KIAA1217: variants seen among roughly 807,000 people sequenced by gnomAD.
KIAA1217 encodes sickle tail protein homolog.
KIAA1217 carries 88 observed loss-of-function variants against 163.9 expected under a neutral mutation model. The observed-to-expected ratio is 0.54, with a 90% confidence interval of 0.45 to 0.64. KIAA1217 has a LOEUF of 0.64. Ranked by LOEUF, KIAA1217 falls within the 30% of genes least tolerant of loss-of-function variation. KIAA1217 has a pLI of 0.00. For synonymous variants in KIAA1217, 903 were observed against 923.1 expected (o/e 0.98, Z 0.39); for missense variants, 2,372 against 2,475.0 (o/e 0.96, Z 0.88).
intron 1 of KIAA1217, among the ~76,000 whole-genome samples, chr10:23,712,465 C>G (rs1272195159): frequency 1.3e-5 from 2 of 151,896 alleles, no homozygotes; most frequent in Admixed American, 1.3e-4. Flanking sequence ...GCAGTGCAGT[C>G]AACTCAGTAC....
At chr10:23,817,752 G>GT (rs1283114361) in intron 1 of KIAA1217, among the ~76,000 whole-genome samples, 1 of 151,606 alleles carries the variant, frequency 6.6e-6, no homozygotes, top group African/African-American at 2.4e-5. Flanking sequence ...ATTTTGAGGT[G>GT]TTTGACAGAA....
At chr10:24,300,826 T>C (rs1045761255) in intron 2 of KIAA1217, among the ~76,000 whole-genome samples, 1 of 152,090 alleles carries the variant, frequency 6.6e-6, no homozygotes, top group Non-Finnish European at 1.5e-5. Flanking sequence ...TTTGTTTGTT[T>C]ATTGAGACAA....
chr10:23,844,697 CTT>C (rs934166949), intron 1 of KIAA1217, among the ~76,000 whole-genome samples: 1 of 151,244 alleles, frequency 6.6e-6, no homozygotes, highest in Non-Finnish European at 1.5e-5. Flanking sequence ...TCTAGGTCCT[CTT>C]TTCTTTTCTT....
rs1403295209 is a variant in KIAA1217 at position 24,495,322 on chromosome 10, T to C, written c.1834+126T>C. ...GGTATGATGTCAGGGGATTCCTAGA[T>C]ATTCCTGCCAATACTGAAATTCCAG... is the stretch of plus-strand genomic sequence containing the variant. On this transcript the variant is annotated intron_variant, in intron 8 of 20. Coordinates refer to ENST00000376454, the MANE Select transcript of KIAA1217 (RefSeq NM_019590.5). The C allele has an allele frequency of 7.3e-6, 5 of 684,970 alleles. No homozygotes were observed. The East Asian group carries it at 1.4e-4, about 20-fold the overall frequency. The allele number at this position is 684,970 out of a possible 1,614,324, so 42.4% of individuals were successfully genotyped here.
intron 12 of KIAA1217, 40 bp downstream of exon 12, chr10:24,521,969 G>A: frequency 6.3e-7 from 1 of 1,583,890 alleles, no homozygotes; most frequent in Non-Finnish European, 8.6e-7. Flanking sequence ...GCCTGCGGAG[G>A]GGTGCACTGG....
intron 9 of KIAA1217, among the ~76,000 whole-genome samples, chr10:24,512,754 C>T (rs2069390365): frequency 6.6e-6 from 1 of 152,192 alleles, no homozygotes; most frequent in African/African-American, 2.4e-5. Context: ...CAAATCACCA[C>T]GTGTTGAGTT....
chr10:23,796,381 TG>T (rs1836205495), intron 1 of KIAA1217, among the ~76,000 whole-genome samples: 1 of 152,126 alleles, frequency 6.6e-6, no homozygotes, highest in Non-Finnish European at 1.5e-5. Context: ...ATTTTTTAAT[TG>T]AGACGAAGTC....
At chr10:24,299,011 G>T (rs1008051290) in intron 2 of KIAA1217, among the ~76,000 whole-genome samples, 6 of 151,982 alleles carry the variant, frequency 3.9e-5, no homozygotes, top group Non-Finnish European at 8.8e-5. Context: ...TGGGGGTCCC[G>T]GCAGGGTCAG....
chr10:23,852,922 A>C (rs575756388), intron 1 of KIAA1217, among the ~76,000 whole-genome samples: 1 of 152,280 alleles, frequency 6.6e-6, no homozygotes, highest in South Asian at 2.1e-4. Context: ...GGCTGAGACA[A>C]TGGGGTTTTC....
At chr10:24,340,642 T>C (rs552754546) in intron 2 of KIAA1217, among the ~76,000 whole-genome samples, 1 of 152,136 alleles carries the variant, frequency 6.6e-6, no homozygotes, top group Non-Finnish European at 1.5e-5. Context: ...GTAGCATCCA[T>C]CACAGGACTA....
At chr10:24,388,129 G>A (rs1274452841) in intron 3 of KIAA1217, among the ~76,000 whole-genome samples, 4 of 152,264 alleles carry the variant, frequency 2.6e-5, no homozygotes, top group South Asian at 4.1e-4. Context: ...AAAGCTGGAG[G>A]CATCACACTA....
chr10:23,848,814 C>G lies in KIAA1217; in HGVS notation c.-321+153580C>G, dbSNP rs192775994. Among the ~76,000 whole-genome samples the G allele has an allele frequency of 3.4e-4, 52 of 152,162 alleles. No homozygotes were observed. The East Asian group carries it at 8.7e-3, about 25-fold the overall frequency. ...GGCTCCACAGTGGATTTTTTGTGAACAATAAATATACCTTTGTTGTTACAA... is the reference window on the plus strand; with the variant it reads ...GGCTCCACAGTGGATTTTTTGTGAAGAATAAATATACCTTTGTTGTTACAA... On this transcript the variant is annotated intron_variant, in intron 1 of 18. Coordinates refer to the KIAA1217 transcript ENST00000376462.
rs191718451 is a variant in KIAA1217, at chr10:24,399,429, C to T, written c.553+18362C>T. 3.9e-5 allele frequency among the ~76,000 whole-genome samples: 6 copies of T among 152,312 alleles called. No homozygotes were observed. In the East Asian group the frequency reaches 9.6e-4, roughly 24 times the overall value. ...ATGCTCTATCATTGTCCTTTCACAT[C>T]GTGTTTCATTTGCTAAGTTCATGAG... On this transcript the variant is annotated intron_variant, in intron 3 of 20. Coordinates refer to ENST00000376454, the MANE Select transcript of KIAA1217 (RefSeq NM_019590.5).
intron 1 of KIAA1217, among the ~76,000 whole-genome samples, chr10:23,700,848 C>A (rs573160544): frequency 7.7e-4 from 118 of 152,306 alleles, no homozygotes; most frequent in African/African-American, 2.6e-3. Context: ...ATAAGAAATT[C>A]CATACATTTG....
intron 3 of KIAA1217, among the ~76,000 whole-genome samples, chr10:24,405,431 T>C (rs1288691595): frequency 6.6e-6 from 1 of 152,008 alleles, no homozygotes; most frequent in Non-Finnish European, 1.5e-5. Context: ...TGAGCATAAA[T>C]CCTAATAAAT....
chr10:24,027,964 T>C (rs867068505), intron 2 of KIAA1217, among the ~76,000 whole-genome samples: 3 of 152,132 alleles, frequency 2.0e-5, no homozygotes, highest in African/African-American at 7.2e-5. Flanking sequence ...AATTTCTTCA[T>C]CTATATAATA....
At chr10:23,914,072 G>A (rs1842546942) in intron 1 of KIAA1217, among the ~76,000 whole-genome samples, 1 of 152,186 alleles carries the variant, frequency 6.6e-6, no homozygotes, top group Admixed American at 6.5e-5. Context: ...TGAGAGAGGA[G>A]AGGAAACTCA....
chr10:24,202,840 C>T (rs11013957), intron 2 of KIAA1217, among the ~76,000 whole-genome samples: 7,904 of 152,172 alleles, frequency 0.052, 305 homozygotes, highest in Non-Finnish European at 0.071. Flanking sequence ...TACAGCAATG[C>T]CCCCCAAATA....
intron 1 of KIAA1217, among the ~76,000 whole-genome samples, chr10:23,969,241 G>A (rs1226461825): frequency 6.6e-6 from 1 of 152,144 alleles, no homozygotes; most frequent in African/African-American, 2.4e-5. Context: ...TCACCATGTT[G>A]GCCAGGCTGG....
Sources: allele counts gnomAD v4.1 joint callset (sites outside exome capture counted in the v4.1 genomes callset), GRCh38; gene constraint gnomAD v4.1.1; transcripts MANE v1.5; gene names NCBI Gene and HGNC (gene_info 2026-07-23, HGNC 2026-07-21).